Variants in HRH4 observed in about 807,000 individuals in gnomAD.
HRH4 encodes the protein histamine H4 receptor.
A neutral mutation model predicts 10.4 loss-of-function variants in HRH4; 12 were observed. The observed-to-expected ratio is 1.15, with a 90% CI of 0.74 to 1.87. HRH4 has a LOEUF of 1.87. HRH4 is among the 40% of genes most tolerant of loss of function. The pLI is 0.00. For synonymous variants in HRH4, 154 were observed against 166.6 expected (o/e 0.92, Z 0.58); for missense variants, 415 against 453.3 (o/e 0.92, Z 0.77).
chr18:24,462,529 G>A (rs1909671020), intron 1 of HRH4, among the ~76,000 whole-genome samples: 1 of 152,204 alleles, frequency 6.6e-6, no homozygotes, highest in African/African-American at 2.4e-5. Flanking sequence ...GCAGCTAAGG[G>A]TGTGGTTGGG....
At chr18:24,474,942 C>A (rs1478082083) in intron 2 of HRH4, among the ~76,000 whole-genome samples, 1 of 152,020 alleles carries the variant, frequency 6.6e-6, no homozygotes, top group Non-Finnish European at 1.5e-5. Flanking sequence ...CCTCGGCCTC[C>A]CAAAGTGCTG....
At chr18:24,475,446 A>C (rs1910110054) in intron 2 of HRH4, among the ~76,000 whole-genome samples, 1 of 152,166 alleles carries the variant, frequency 6.6e-6, no homozygotes, top group Non-Finnish European at 1.5e-5. Context: ...CAACATAGTG[A>C]GGCATTATCT....
Position 24,477,102 on chromosome 18 carries a change from T to C in HRH4, c.713T>C (p.Leu238Pro), listed in dbSNP as rs1427146140. 4 of 1,614,142 alleles carry C rather than the reference T, an allele frequency of 2.5e-6. No homozygotes were observed. In the Admixed American group the frequency reaches 6.7e-5, roughly 27 times the overall value. Reference sequence around the variant, plus strand: ...GGTAGACTATCTTCAAGGAGATCTCTTTCTGCATCGACAGAAGTTCCTGCA... The same window carrying C: ...GGTAGACTATCTTCAAGGAGATCTCCTTCTGCATCGACAGAAGTTCCTGCA... ...FRGRLSSRRS[L>P]SASTEVPASF... is the part of the protein sequence containing the mutation. Residue 238 changes from leucine to proline, a missense_variant, in exon 3 of 3, where the codon CTT becomes CCT. Physicochemically the swap from Leu to Pro is moderately conservative, Grantham distance 98. Coordinates refer to ENST00000256906, the MANE Select transcript of HRH4 (RefSeq NM_021624.4).
At chr18:24,464,240 T>TA (rs1181188618) in intron 1 of HRH4, among the ~76,000 whole-genome samples, 3 of 152,284 alleles carry the variant, frequency 2.0e-5, no homozygotes, top group East Asian at 1.9e-4. Flanking sequence ...TTCTGGCCAA[T>TA]ATTGGTTCCT....
At chr18:24,460,974 T>A in intron 1 of HRH4, 53 bp downstream of exon 1, 1 of 1,246,666 alleles carries the variant, frequency 8.0e-7, no homozygotes, top group Non-Finnish European at 1.1e-6. Flanking sequence ...AATTTATTTC[T>A]AAATCCTTAA....
At chr18:24,462,565 G>A (rs1033380282) in intron 1 of HRH4, among the ~76,000 whole-genome samples, 1 of 152,198 alleles carries the variant, frequency 6.6e-6, no homozygotes, top group Non-Finnish European at 1.5e-5. Context: ...CTGAGTTAAA[G>A]ATTGGGCTTC....
chr18:24,472,134 C>A (rs1342615091), intron 2 of HRH4, among the ~76,000 whole-genome samples: 2 of 152,140 alleles, frequency 1.3e-5, no homozygotes, highest in African/African-American at 2.4e-5. Context: ...CAAACTCCCC[C>A]TCCCGGGTTC....
At chr18:24,460,973 C>G in intron 1 of HRH4, 52 bp downstream of exon 1, 2 of 1,252,306 alleles carry the variant, frequency 1.6e-6, no homozygotes, top group South Asian at 1.7e-5. Context: ...TAATTTATTT[C>G]TAAATCCTTA....
At chr18:24,464,140 T>A (rs1909713810) in intron 1 of HRH4, among the ~76,000 whole-genome samples, 2 of 152,200 alleles carry the variant, frequency 1.3e-5, no homozygotes, top group African/African-American at 4.8e-5. Flanking sequence ...CTGCTCAGGC[T>A]GCCATAACAA....
In HRH4 at chr18:24,463,421, CT is replaced by C. The variant is rs1345611197; in HGVS notation, c.193+2505del. ...CTCACCATGACACAGTCCCTGGGAG[CT>C]TTTTGTAACAGGATTCAAGTTTTCT... is the stretch of plus-strand genomic sequence containing the variant. On this transcript the variant is annotated intron_variant, in intron 1 of 2. Coordinates refer to ENST00000256906, the MANE Select transcript of HRH4 (RefSeq NM_021624.4). Among the ~76,000 whole-genome samples, 3 of 152,312 alleles carry C rather than the reference CT, an allele frequency of 2.0e-5. No individual in the cohort carries two copies. The East Asian group carries it at 5.8e-4, about 29-fold the overall frequency.
chr18:24,469,056 G>A, intron 2 of HRH4, 105 bp downstream of exon 2: 1 of 785,224 alleles, frequency 1.3e-6, no homozygotes, highest in Non-Finnish European at 2.0e-6. Context: ...TTAATCGACA[G>A]GCCTTAGAGG....
Position 24,468,906 on chromosome 18 carries a change from C to T in HRH4, c.312C>T (p.Asn104=), listed in dbSNP as rs760100672. Residue 104 remains asparagine (N), a synonymous_variant, in exon 2 of 3, where the codon AAC becomes AAT. Transcript: ENST00000256906. ...TGTTATGTACAGCATCTGTATATAA[C>T]ATTGTCCTCATCAGCTATGATCGAT... The part of the protein sequence containing the change: ...DYLLCTASVY[N]IVLISYDRYL... 1.2e-6 allele frequency: 2 copies of T among 1,612,690 alleles called. No individual in the cohort carries two copies. The highest frequency in any genetic ancestry group is 2.2e-5 in the South Asian group (2 of 90,700).
At chr18:24,464,905 A>T (rs1434354996) in intron 1 of HRH4, among the ~76,000 whole-genome samples, 1 of 152,118 alleles carries the variant, frequency 6.6e-6, no homozygotes, top group East Asian at 1.9e-4. Flanking sequence ...GATAATTGCT[A>T]CTGAAAAAAA....
Position 24,479,262 on chromosome 18 carries a change from C to G in HRH4, c.*1700C>G, listed in dbSNP as rs1910242140. The stretch of plus-strand genomic sequence containing the variant: ...GTGCTGGGATTATAGGCACAAGACA[C>G]CACAATAATTATTGCCTGTATGTCA... On this transcript the variant is annotated 3_prime_UTR_variant, in exon 3 of 3. Coordinates refer to ENST00000256906, the MANE Select transcript of HRH4 (RefSeq NM_021624.4). The G allele has an allele frequency of 6.6e-6, 1 of 152,110 alleles. No individual in the cohort carries two copies. The highest frequency in any genetic ancestry group is 2.1e-4 in the South Asian group (1 of 4,826). The allele number at this position is 152,110 out of a possible 1,614,324, so 9.4% of individuals were successfully genotyped here. A position where few individuals can be genotyped will look rare whatever the true frequency, so the allele number is the denominator to read the frequency against.
intron 1 of HRH4, among the ~76,000 whole-genome samples, chr18:24,465,110 A>G (rs577587713): frequency 6.6e-6 from 1 of 151,916 alleles, no homozygotes; most frequent in African/African-American, 2.4e-5. Flanking sequence ...AATATGGTGA[A>G]ATTCCAATCT....
In HRH4 at chr18:24,460,682, C is replaced by A; in HGVS notation, c.-47C>A. 1.6e-6 allele frequency: 2 copies of A among 1,274,702 alleles called. No individual in the cohort carries two copies. The highest frequency in any genetic ancestry group is 1.8e-5 in the South Asian group (1 of 56,232). The allele number at this position is 1,274,702 out of a possible 1,614,324, so 79.0% of individuals were successfully genotyped here. A position where few individuals can be genotyped will look rare whatever the true frequency, so the allele number is the denominator to read the frequency against. ...TAGAAAACATACTTGTCAGAATTGT[C>A]TGGCTGGATTAATTTGCTAATTTGA... On this transcript the variant is annotated 5_prime_UTR_variant, in exon 1 of 3. The change creates a new upstream start codon in the 5' untranslated region. Transcript: ENST00000256906.
intron 2 of HRH4, among the ~76,000 whole-genome samples, chr18:24,475,965 G>A (rs538756173): frequency 5.3e-5 from 8 of 152,194 alleles, no homozygotes; most frequent in African/African-American, 7.2e-5. Context: ...CCGAGATTGC[G>A]CCATTGCACT....
Position 24,477,024 on chromosome 18 carries a change from G to C in HRH4, c.635G>C (p.Ser212Thr). The change falls in exon 3 of 3, where the codon AGC becomes ACC. Residue 212 changes from serine to threonine, a missense_variant. Coordinates refer to ENST00000256906, the MANE Select transcript of HRH4 (RefSeq NM_021624.4). Reference sequence around the variant, plus strand: ...CGTGATCATCTCAGTAGGTGCCAAAGCCATCCTGGACTGACTGCTGTCTCT... The same window carrying C: ...CGTGATCATCTCAGTAGGTGCCAAACCCATCCTGGACTGACTGCTGTCTCT... Reference protein sequence around the residue: ...WKRDHLSRCQSHPGLTAVSSN... With the variant: ...WKRDHLSRCQTHPGLTAVSSN... 6.2e-7 allele frequency: 1 copy of C among 1,614,182 alleles called. No individual in the cohort carries two copies. The highest frequency in any genetic ancestry group is 8.5e-7 in the Non-Finnish European group (1 of 1,180,020).
In HRH4 at chr18:24,477,085, A is replaced by C; in HGVS notation, c.696A>C (p.Leu232=). 1 of 1,614,246 alleles carries C rather than the reference A, an allele frequency of 6.2e-7. No homozygotes were observed. The highest frequency in any genetic ancestry group is 1.7e-5 in the Admixed American group (1 of 60,026). The change falls in exon 3 of 3, where the codon CTA becomes CTC. Residue 232 remains leucine, a synonymous_variant. Transcript: ENST00000256906. The part of the protein sequence containing the change: ...NICGHSFRGR[L]SSRRSLSAST... ...GTGGACACTCATTCAGAGGTAGACTATCTTCAAGGAGATCTCTTTCTGCAT... is the reference window on the plus strand; with the variant it reads ...GTGGACACTCATTCAGAGGTAGACTCTCTTCAAGGAGATCTCTTTCTGCAT...
Sources: allele counts gnomAD v4.1 joint callset (sites outside exome capture counted in the v4.1 genomes callset), GRCh38; gene constraint gnomAD v4.1.1; transcripts MANE v1.5; gene names NCBI Gene and HGNC (gene_info 2026-07-23, HGNC 2026-07-21).